CPNE4: variants seen among roughly 807,000 people sequenced by gnomAD.
CPNE4 encodes the protein copine-4.
Under a neutral mutation model 67.9 loss-of-function variants are expected in CPNE4, and 25 were observed. The ratio of observed to expected loss-of-function variants is 0.37; its 90% CI spans 0.27 to 0.51. The LOEUF (loss-of-function observed/expected upper bound fraction) is 0.51, where lower values mean the gene tolerates loss of function less well. Among genes scored for constraint, CPNE4 ranks in the 20% least tolerant of loss-of-function variants. CPNE4 has a pLI of 0.93. For synonymous variants in CPNE4, 242 were observed against 244.9 expected (o/e 0.99, Z 0.11); for missense variants, 464 against 690.8 (o/e 0.67, Z 3.68).
intron 2 of CPNE4, among the ~76,000 whole-genome samples, chr3:131,776,159 A>G (rs1033056527): frequency 2.0e-5 from 3 of 152,044 alleles, no homozygotes; most frequent in Non-Finnish European, 4.4e-5. Context: ...CCAACTTCTC[A>G]CGAGTTTTCC....
intron 2 of CPNE4, among the ~76,000 whole-genome samples, chr3:131,899,899 C>G (rs557592484): frequency 6.6e-6 from 1 of 152,128 alleles, no homozygotes; most frequent in South Asian, 2.1e-4. Context: ...TGAGAGAAAC[C>G]TGTTTTGTTG....
At chr3:131,536,404 T>G (rs1318430683) in intron 15 of CPNE4, among the ~76,000 whole-genome samples, 1 of 152,194 alleles carries the variant, frequency 6.6e-6, no homozygotes. Context: ...GGCAAGCAAT[T>G]TCAATGGCCT....
At position 131,788,948 on chromosome 3, in the gene CPNE4, T is replaced by C. The variant is rs535541624; in HGVS notation, c.181-65323A>G. Reference sequence around the variant, plus strand: ...TTATGGTTTTTCCACATTCTTTTCTTTATTCTTAAAATTTTCACACTGTGC... The same window carrying C: ...TTATGGTTTTTCCACATTCTTTTCTCTATTCTTAAAATTTTCACACTGTGC... On this transcript the variant is annotated intron_variant, in intron 2 of 15. Transcript: ENST00000429747. Among the ~76,000 whole-genome samples, 10 of 151,622 alleles carry C rather than the reference T, an allele frequency of 6.6e-5. No homozygotes were observed. In the South Asian group the frequency reaches 2.1e-3, roughly 32 times the overall value.
At chr3:131,579,942 G>A (rs1009862215) in intron 9 of CPNE4, among the ~76,000 whole-genome samples, 8 of 152,224 alleles carry the variant, frequency 5.3e-5, no homozygotes, top group Admixed American at 5.2e-4. Context: ...GGTGTGAGAG[G>A]ATTAACTCCA....
intron 2 of CPNE4, among the ~76,000 whole-genome samples, chr3:131,784,810 C>A (rs2083515213): frequency 6.6e-6 from 1 of 152,114 alleles, no homozygotes; most frequent in Non-Finnish European, 1.5e-5. Context: ...CTTTGAGGGG[C>A]ACCAAAACTA....
At chr3:131,886,416 G>A (rs1279809147) in intron 2 of CPNE4, among the ~76,000 whole-genome samples, 1 of 152,350 alleles carries the variant, frequency 6.6e-6, no homozygotes, top group East Asian at 1.9e-4. Context: ...CAGGGGTGGG[G>A]CTATCATGGG....
chr3:131,736,120 C>T (rs908524419), intron 2 of CPNE4, among the ~76,000 whole-genome samples: 10 of 152,194 alleles, frequency 6.6e-5, no homozygotes, highest in African/African-American at 2.4e-4. Context: ...GCATGAGTCT[C>T]AGGCCCTGCC....
chr3:131,544,443 A>G (rs1935701678), intron 14 of CPNE4, among the ~76,000 whole-genome samples: 1 of 152,242 alleles, frequency 6.6e-6, no homozygotes, highest in Non-Finnish European at 1.5e-5. Flanking sequence ...TGCTTTTCAT[A>G]CAGTCTAATG....
At chr3:132,035,433 T>C (rs1437718103), upstream of CPNE4, 1 of 152,238 alleles carries the variant, frequency 6.6e-6, no homozygotes, top group African/African-American at 2.4e-5. Flanking sequence ...GTCTGGCGTA[T>C]GGCAGGAGCC....
At chr3:131,585,240 G>A (rs1469302120) in intron 8 of CPNE4, among the ~76,000 whole-genome samples, 1 of 152,166 alleles carries the variant, frequency 6.6e-6, no homozygotes, top group Non-Finnish European at 1.5e-5. Flanking sequence ...TTTTAAATTT[G>A]TGTTTACATT....
chr3:131,717,882 C>CTTTTCT (rs72589199), intron 3 of CPNE4, among the ~76,000 whole-genome samples: 1 of 54,056 alleles, frequency 1.8e-5, no homozygotes, highest in Admixed American at 2.0e-4. Context: ...TCTTTTCTTT[C>CTTTTCT]TTTCTTTCTT....
chr3:131,711,519 A>G (rs1436226777), intron 3 of CPNE4, among the ~76,000 whole-genome samples: 1 of 152,180 alleles, frequency 6.6e-6, no homozygotes, highest in African/African-American at 2.4e-5. Context: ...TGAGGGAAGC[A>G]CGAGTAATCA....
intron 6 of CPNE4, among the ~76,000 whole-genome samples, chr3:131,679,981 T>C (rs146652151): frequency 6.6e-6 from 1 of 152,308 alleles, no homozygotes; most frequent in Non-Finnish European, 1.5e-5. Context: ...TGAATATCTT[T>C]GTTAATTTTC....
At chr3:132,033,000 G>GT (rs2074269234) in intron 1 of CPNE4, among the ~76,000 whole-genome samples, 4 of 152,284 alleles carry the variant, frequency 2.6e-5, no homozygotes, top group South Asian at 4.1e-4. Flanking sequence ...GTGGGTGTTT[G>GT]TTTTTTTGTT....
intron 7 of CPNE4, among the ~76,000 whole-genome samples, chr3:131,632,050 G>C (rs1365681557): frequency 2.7e-5 from 4 of 150,806 alleles, no homozygotes; most frequent in African/African-American, 9.7e-5. Context: ...GTTTCAGTGA[G>C]CCAAGATTGC....
intron 11 of CPNE4, among the ~76,000 whole-genome samples, chr3:131,563,474 CA>C (rs2107663651): frequency 6.6e-6 from 1 of 152,142 alleles, no homozygotes; most frequent in Non-Finnish European, 1.5e-5. Flanking sequence ...ATACTCCTTA[CA>C]GGGAATTTTC....
chr3:131,923,208 C>T (rs1560607219), intron 1 of CPNE4, among the ~76,000 whole-genome samples: 2 of 152,250 alleles, frequency 1.3e-5, no homozygotes, highest in East Asian at 1.9e-4. Flanking sequence ...TTTGCTTTAT[C>T]GTAGTCCTCT....
At chr3:131,946,770 C>T (rs1182374010) in intron 1 of CPNE4, among the ~76,000 whole-genome samples, 2 of 152,026 alleles carry the variant, frequency 1.3e-5, no homozygotes, top group Non-Finnish European at 2.9e-5. Flanking sequence ...GTTCATCATG[C>T]TTTTGGTGTC....
chr3:131,747,222 T>A (rs1463840796), intron 2 of CPNE4, among the ~76,000 whole-genome samples: 2 of 152,036 alleles, frequency 1.3e-5, no homozygotes, highest in East Asian at 1.9e-4. Flanking sequence ...TCTCCCATTC[T>A]ATGGATTGTC....
Sources: allele counts gnomAD v4.1 joint callset (sites outside exome capture counted in the v4.1 genomes callset), GRCh38; gene constraint gnomAD v4.1.1; transcripts MANE v1.5; gene names NCBI Gene and HGNC (gene_info 2026-07-23, HGNC 2026-07-21).